The following ADGRB3 variants were observed in gnomAD, a reference collection of about 807,000 sequenced individuals.
ADGRB3 encodes the protein brain-specific angiogenesis inhibitor 3.
Under a neutral mutation model 193.4 loss-of-function variants are expected in ADGRB3, and 37 were observed. The observed-to-expected ratio is 0.19, with a 90% CI of 0.15 to 0.25. The LOEUF is 0.25. Among genes scored for constraint, ADGRB3 ranks in the 10% least tolerant of loss-of-function variants. ADGRB3 has a pLI of 1.00. For missense variants in ADGRB3, 1,637 were observed against 1,852.9 expected (o/e 0.88, Z 2.14); for synonymous variants, 690 against 644.2 (o/e 1.07, Z -1.08).
At chr6:68,652,186 C>A (rs148877587) in intron 3 of ADGRB3, among the ~76,000 whole-genome samples, 1 of 152,222 alleles carries the variant, frequency 6.6e-6, no homozygotes, top group African/African-American at 2.4e-5. Flanking sequence ...GATAAGCGTT[C>A]TCTGTCACTT....
chr6:68,950,898 A>G (rs914756616), intron 6 of ADGRB3, among the ~76,000 whole-genome samples: 1 of 152,132 alleles, frequency 6.6e-6, no homozygotes, highest in Non-Finnish European at 1.5e-5. Flanking sequence ...TAAAATGTAA[A>G]TTCTATCTTA....
chr6:68,643,438 CTTTTTTTTTTT>C (rs765489730), intron 3 of ADGRB3, among the ~76,000 whole-genome samples: 1 of 65,030 alleles, frequency 1.5e-5, no homozygotes, highest in East Asian at 5.4e-4. Context: ...CTTCATCTTC[CTTTTTTTTTTT>C]TTTTTTTTTT....
At chr6:69,094,841 A>G (rs1030903975) in intron 17 of ADGRB3, among the ~76,000 whole-genome samples, 1 of 152,174 alleles carries the variant, frequency 6.6e-6, no homozygotes, top group African/African-American at 2.4e-5. Flanking sequence ...ATGTGTTCCC[A>G]TATGCAAAGA....
At chr6:69,040,326 T>TTTCC in intron 13 of ADGRB3, among the ~76,000 whole-genome samples, 2 of 44,542 alleles carry the variant, frequency 4.5e-5, no homozygotes, top group African/African-American at 6.8e-5. Context: ...TCTTTCTTTC[T>TTTCC]TTCTTTCTTT....
intron 3 of ADGRB3, among the ~76,000 whole-genome samples, chr6:68,815,992 G>C (rs2127378083): frequency 1.3e-5 from 2 of 151,912 alleles, no homozygotes; most frequent in South Asian, 4.2e-4. Flanking sequence ...GTTTTCAAAG[G>C]TCCCAAAGAA....
At chr6:69,190,250 G>A (rs192206004) in intron 17 of ADGRB3, among the ~76,000 whole-genome samples, 1 of 152,076 alleles carries the variant, frequency 6.6e-6, no homozygotes, top group Non-Finnish European at 1.5e-5. Context: ...AGCTGTAAGC[G>A]TGTTATTGTC....
chr6:68,804,852 A>C (rs972633687), intron 3 of ADGRB3, among the ~76,000 whole-genome samples: 3 of 152,030 alleles, frequency 2.0e-5, no homozygotes, highest in Non-Finnish European at 4.4e-5. Flanking sequence ...TGCTTGTTAG[A>C]GCTCCATTTT....
intron 28 of ADGRB3, among the ~76,000 whole-genome samples, chr6:69,357,829 G>A (rs987402204): frequency 5.9e-5 from 9 of 151,852 alleles, no homozygotes; most frequent in Non-Finnish European, 5.9e-5. Flanking sequence ...TTGTCAGGAT[G>A]CAGTCTCACT....
chr6:69,044,259 CG>C (rs1389144139), intron 13 of ADGRB3, among the ~76,000 whole-genome samples: 2 of 152,154 alleles, frequency 1.3e-5, no homozygotes, highest in Admixed American at 1.3e-4. Flanking sequence ...CTTACATTCT[CG>C]CTCCTAGACT....
chr6:68,904,465 C>T (rs1766489158), intron 3 of ADGRB3, among the ~76,000 whole-genome samples: 1 of 152,076 alleles, frequency 6.6e-6, no homozygotes, highest in Non-Finnish European at 1.5e-5. Context: ...TTTGGCTTTG[C>T]TACAAAGACG....
intron 5 of ADGRB3, among the ~76,000 whole-genome samples, chr6:68,938,613 G>A (rs771859611): frequency 6.6e-6 from 1 of 151,792 alleles, no homozygotes; most frequent in African/African-American, 2.4e-5. Context: ...GTCACCATGC[G>A]GTATAATAGA....
chr6:69,048,116 C>A (rs997085330), intron 13 of ADGRB3, 69 bp from the exon 14 acceptor site: 2 of 1,459,008 alleles, frequency 1.4e-6, no homozygotes, highest in Non-Finnish European at 1.9e-6. Context: ...CAAGATTTAC[C>A]TTGATCAACA....
intron 20 of ADGRB3, among the ~76,000 whole-genome samples, chr6:69,291,579 A>C (rs1767683040): frequency 6.6e-6 from 1 of 152,138 alleles, no homozygotes; most frequent in Non-Finnish European, 1.5e-5. Flanking sequence ...TTTATTTTTA[A>C]TATTCAGAAT....
intron 3 of ADGRB3, among the ~76,000 whole-genome samples, chr6:68,767,445 G>A (rs1582183884): frequency 6.6e-6 from 1 of 152,072 alleles, no homozygotes; most frequent in South Asian, 2.1e-4. Flanking sequence ...AAAACTACAT[G>A]ATTATCTTAT....
intron 17 of ADGRB3, among the ~76,000 whole-genome samples, chr6:69,118,919 A>T (rs917129708): frequency 6.6e-6 from 1 of 152,190 alleles, no homozygotes; most frequent in Admixed American, 6.5e-5. Flanking sequence ...TTTTCCTCTT[A>T]TAATGAAGAG....
intron 20 of ADGRB3, among the ~76,000 whole-genome samples, chr6:69,243,416 A>C (rs62406856): frequency 0.14 from 21,742 of 151,810 alleles, 1,616 homozygotes; most frequent in Middle Eastern, 0.16. Context: ...GGATTCTGTG[A>C]CCTTTAGTCA....
intron 17 of ADGRB3, among the ~76,000 whole-genome samples, chr6:69,139,212 C>T (rs1440279415): frequency 6.6e-6 from 1 of 152,182 alleles, no homozygotes; most frequent in East Asian, 1.9e-4. Flanking sequence ...CTGCTAATCT[C>T]AGCTCACCCA....
At chr6:69,231,077 C>T (rs772310020) in intron 17 of ADGRB3, among the ~76,000 whole-genome samples, 6 of 152,298 alleles carry the variant, frequency 3.9e-5, no homozygotes, top group Non-Finnish European at 7.4e-5. Context: ...TTACTTACTT[C>T]CCAGTTTTGC....
rs1487724027 is a variant in ADGRB3, at chr6:69,106,176, A to AAAAAAAG, written c.2480+30144_2480+30145insGAAAAAA. On this transcript the variant is annotated intron_variant, in intron 17 of 31. Transcript: ENST00000370598. ...TGTGAGACTGCGTTAAAAAAAAAAA[A>AAAAAAAG]AAAAAAAGAAAAGAAAAGAAAAAAG... Among the ~76,000 whole-genome samples the AAAAAAAG allele has an allele frequency of 6.0e-5, 9 of 149,352 alleles. No individual in the cohort carries two copies. In the East Asian group the frequency reaches 1.2e-3, roughly 19 times the overall value.
Sources: gnomAD v4.1 joint callset for allele counts (sites outside exome capture counted in the v4.1 genomes callset) on GRCh38, gnomAD v4.1.1 for gene constraint, MANE v1.5 for transcripts, NCBI Gene and HGNC (gene_info 2026-07-23, HGNC 2026-07-21) for gene names.